Variants in HTT observed in about 807,000 individuals in gnomAD.
HTT encodes the protein huntingtin.
In HTT, 104 loss-of-function variants were observed where a neutral mutation model predicts 362.3. The observed-to-expected ratio is 0.29, with a 90% CI of 0.24 to 0.34. The LOEUF (loss-of-function observed/expected upper bound fraction) is 0.34, where lower values mean the gene tolerates loss of function less well. Ranked by LOEUF, HTT falls within the 10% of genes least tolerant of loss-of-function variation. The pLI is 1.00. For missense variants in HTT, 3,301 were observed against 3,928.6 expected (o/e 0.84, Z 4.27); for synonymous variants, 1,577 against 1,548.7 (o/e 1.02, Z -0.43).
chr4:3,153,921 G>GA (rs887288027), intron 26 of HTT, among the ~76,000 whole-genome samples: 27 of 148,896 alleles, frequency 1.8e-4, no homozygotes, highest in Non-Finnish European at 2.8e-4. Flanking sequence ...TCTCAAAAAA[G>GA]AAAAAAAAAA....
intron 3 of HTT, 57 bp downstream of exon 3, chr4:3,099,451 A>T: frequency 6.2e-7 from 1 of 1,603,530 alleles, no homozygotes; most frequent in Non-Finnish European, 8.5e-7. Context: ...AGGCTGAGAG[A>T]AGAAGCGATC....
intron 1 of HTT, among the ~76,000 whole-genome samples, chr4:3,081,192 C>T (rs551383179): frequency 6.6e-6 from 1 of 152,324 alleles, no homozygotes; most frequent in Non-Finnish European, 1.5e-5. Context: ...CGCATCTTAA[C>T]AATATTGTCT....
chr4:3,225,529 T>A, intron 56 of HTT, 132 bp from the exon 57 acceptor site: 1 of 696,248 alleles, frequency 1.4e-6, no homozygotes, highest in African/African-American at 1.8e-5. Flanking sequence ...ACCTGGGCCC[T>A]CCTGCCAGTG....
At chr4:3,151,734 T>A (rs918946512) in intron 26 of HTT, among the ~76,000 whole-genome samples, 2 of 152,172 alleles carry the variant, frequency 1.3e-5, no homozygotes, top group South Asian at 4.1e-4. Context: ...GGAAAAATTG[T>A]CTTCCACAGA....
chr4:3,158,225 C>G (rs905323404), intron 28 of HTT, among the ~76,000 whole-genome samples: 1 of 152,158 alleles, frequency 6.6e-6, no homozygotes, highest in South Asian at 2.1e-4. Context: ...TTAAGTAATC[C>G]TCCCTCCTTG....
At chr4:3,119,956 A>G (rs1715216535) in intron 8 of HTT, among the ~76,000 whole-genome samples, 1 of 152,224 alleles carries the variant, frequency 6.6e-6, no homozygotes, top group Non-Finnish European at 1.5e-5. Context: ...CCTTTGTAGC[A>G]TGAAAGCAGC....
intron 27 of HTT, among the ~76,000 whole-genome samples, chr4:3,155,008 C>T (rs750352036): frequency 2.6e-5 from 4 of 151,626 alleles, no homozygotes; most frequent in African/African-American, 4.8e-5. Context: ...ATACTGCTCT[C>T]GGTGGGCAGT....
chr4:3,115,949 G>A, intron 7 of HTT, 136 bp from the exon 8 acceptor site: 1 of 773,920 alleles, frequency 1.3e-6, no homozygotes, highest in Non-Finnish European at 2.2e-6. Flanking sequence ...ATTCCCAGTG[G>A]GCCTCATGGC....
intron 1 of HTT, 140 bp from the exon 2 acceptor site, chr4:3,086,799 C>G: frequency 1.8e-6 from 1 of 544,464 alleles, no homozygotes; most frequent in Non-Finnish European, 3.4e-6. Flanking sequence ...TGTCCAGATC[C>G]CCATTCTGCC....
In HTT at chr4:3,116,130, T is replaced by C. The variant is rs2110172445; in HGVS notation, c.935T>C (p.Leu312Pro). The C allele has an allele frequency of 6.2e-7, 1 of 1,613,766 alleles. No homozygotes were observed. The highest frequency in any genetic ancestry group is 8.5e-7 in the Non-Finnish European group (1 of 1,179,948). ...VEDEHSTLLI[L>P]GVLLTLRYLV... The stretch of plus-strand genomic sequence containing the variant: ...GATGAACACTCCACTCTGCTGATTC[T>C]TGGCGTGCTGCTCACCCTGAGGTAT... The change falls in exon 8 of 67, where the codon CTT becomes CCT. Residue 312 changes from leucine (L) to proline (P), a missense_variant. Leu to Pro is a moderately conservative substitution (Grantham distance 98, BLOSUM62 -3). Coordinates refer to ENST00000355072, the MANE Select transcript of HTT (RefSeq NM_001388492.1).
intron 61 of HTT, among the ~76,000 whole-genome samples, chr4:3,234,159 G>C (rs766336175): frequency 6.6e-6 from 1 of 152,248 alleles, no homozygotes; most frequent in African/African-American, 2.4e-5. Flanking sequence ...GGAGGGAGAC[G>C]GGAAGGTCTC....
At chr4:3,235,469 A>G (rs1560607398) in intron 62 of HTT, 71 bp downstream of exon 62, 14 of 1,506,662 alleles carry the variant, frequency 9.3e-6, no homozygotes, top group Non-Finnish European at 1.3e-5. Context: ...TTGCAGGATC[A>G]TACCAGTGGG....
At chr4:3,223,942 T>A (rs757189033) in intron 55 of HTT, 50 bp from the exon 56 acceptor site, 1 of 1,601,788 alleles carries the variant, frequency 6.2e-7, no homozygotes, top group Non-Finnish European at 8.6e-7. Flanking sequence ...TTTTCACTTG[T>A]AAGATTTTGA....
intron 2 of HTT, among the ~76,000 whole-genome samples, chr4:3,089,417 C>G (rs1713387643): frequency 6.6e-6 from 1 of 152,178 alleles, no homozygotes; most frequent in South Asian, 2.1e-4. Flanking sequence ...CCATGCCTGG[C>G]TAAATTTTTG....
chr4:3,084,025 A>G (rs143706942), intron 1 of HTT, among the ~76,000 whole-genome samples: 1 of 152,242 alleles, frequency 6.6e-6, no homozygotes, highest in African/African-American at 2.4e-5. Context: ...GTATGATTCT[A>G]TGTTTTTTTG....
At position 3,147,998 on chromosome 4, in the gene HTT, A is replaced by G. The variant is rs1440467892; in HGVS notation, c.3296-7A>G. On this transcript the variant is annotated splice_polypyrimidine_tract_variant and splice_region_variant and intron_variant, in intron 25 of 66. Transcript: ENST00000355072. Reference sequence around the variant, plus strand: ...GTGGAGAGGTAATGTCTGTGCCCATATCACAGCCAGTGCTCCCAAATCTCT... The same window carrying G: ...GTGGAGAGGTAATGTCTGTGCCCATGTCACAGCCAGTGCTCCCAAATCTCT... 3 of 1,608,716 alleles carry G rather than the reference A, an allele frequency of 1.9e-6. No homozygotes were observed. Among genetic ancestry groups the G allele is most frequent in the Non-Finnish European group, 2.5e-6 (3 of 1,177,090 alleles).
At chr4:3,173,781 G>T (rs1308474621) in intron 31 of HTT, among the ~76,000 whole-genome samples, 2 of 151,280 alleles carry the variant, frequency 1.3e-5, no homozygotes, top group African/African-American at 4.9e-5. Flanking sequence ...CCATTCTCCT[G>T]CCTCAGCCTC....
In HTT at chr4:3,208,946, G is replaced by A. The variant is rs577562978; in HGVS notation, c.6291+35G>A. ...CAGCGTGTCTGCATGGGAGGCACAGGGCGCTGAGTGCCTCTGTCACCTGTG... is the reference window on the plus strand; with the variant it reads ...CAGCGTGTCTGCATGGGAGGCACAGAGCGCTGAGTGCCTCTGTCACCTGTG... On this transcript the variant is annotated intron_variant, in intron 46 of 66. Transcript: ENST00000355072. 17 of 1,583,398 alleles carry A rather than the reference G, an allele frequency of 1.1e-5. No homozygotes were observed. The South Asian group carries it at 1.9e-4, about 17-fold the overall frequency.
Position 3,125,840 on chromosome 4 carries a change from T to C in HTT, c.1402+211T>C, listed in dbSNP as rs550026020. ...GTGTTTGCATCATATATTTGTTGTT[T>C]TCCATGGTTTAGGCTGTTTTAAAAT... On this transcript the variant is annotated intron_variant, in intron 11 of 66. Coordinates refer to ENST00000355072, the MANE Select transcript of HTT (RefSeq NM_001388492.1). Among the ~76,000 whole-genome samples, 22 of 152,330 alleles carry C rather than the reference T, an allele frequency of 1.4e-4. No individual in the cohort carries two copies. The South Asian group carries it at 3.3e-3, about 23-fold the overall frequency.
Sources: gnomAD v4.1 joint callset for allele counts (sites outside exome capture counted in the v4.1 genomes callset) on GRCh38, gnomAD v4.1.1 for gene constraint, MANE v1.5 for transcripts, NCBI Gene and HGNC (gene_info 2026-07-23, HGNC 2026-07-21) for gene names.